Variants in NAV2 observed in about 807,000 individuals in gnomAD.
NAV2 encodes the protein neuron navigator 2, also known as helicase, APC down-regulated 1.
In NAV2, 54 loss-of-function variants were observed where a neutral mutation model predicts 223.2. The observed-to-expected ratio is 0.24, with a 90% CI of 0.19 to 0.30. The LOEUF (loss-of-function observed/expected upper bound fraction) is 0.30. NAV2 is among the 10% of genes least tolerant of loss of function. NAV2 has a pLI of 1.00. For synonymous variants in NAV2, 1,279 were observed against 1,239.3 expected (o/e 1.03, Z -0.67); for missense variants, 2,806 against 3,147.5 (o/e 0.89, Z 2.60).
At chr11:19,398,331 G>A (rs180763015) in intron 1 of NAV2, among the ~76,000 whole-genome samples, 1 of 152,222 alleles carries the variant, frequency 6.6e-6, no homozygotes, top group Non-Finnish European at 1.5e-5. Flanking sequence ...TGAGAGGATG[G>A]TGCGAATGCA....
At chr11:20,080,358 GT>G in intron 25 of NAV2, 149 bp downstream of exon 25, 2 of 691,492 alleles carry the variant, frequency 2.9e-6, no homozygotes, top group Non-Finnish European at 2.4e-6. Flanking sequence ...TTGTGGATGG[GT>G]TTTTACTAAA....
chr11:19,741,350 G>A (rs1278691843), intron 1 of NAV2, among the ~76,000 whole-genome samples: 1 of 151,836 alleles, frequency 6.6e-6, no homozygotes, highest in Non-Finnish European at 1.5e-5. Flanking sequence ...CTGCACTTTA[G>A]ATCTCTAGAT....
intron 1 of NAV2, among the ~76,000 whole-genome samples, chr11:19,791,197 T>C (rs1194291347): frequency 6.6e-6 from 1 of 152,190 alleles, no homozygotes; most frequent in Non-Finnish European, 1.5e-5. Flanking sequence ...AGACAAGTCC[T>C]GCCCACGTGG....
At chr11:19,393,906 C>CTTTTTTTTTTTTTTTTTTTTT in intron 1 of NAV2, among the ~76,000 whole-genome samples, 1 of 135,704 alleles carries the variant, frequency 7.4e-6, no homozygotes, top group Non-Finnish European at 1.5e-5. Context: ...TTTTTTTTTT[C>CTTTTTTTTTTTTTTTTTTTTT]TTTTTTTTTT....
rs980430526 is a variant in NAV2, at chr11:20,118,425, C to T, written c.*167C>T. ...AGCCTCGACCTGGGTGCAGGCATCC[C>T]GGGCCAGCTGCCTGCGGACCGCTTC... On this transcript the variant is annotated 3_prime_UTR_variant, in exon 38 of 38. Transcript: ENST00000349880. 1.1e-5 allele frequency: 8 copies of T among 716,304 alleles called. No homozygotes were observed. Among genetic ancestry groups the T allele is most frequent in the South Asian group, 5.2e-5 (3 of 58,046 alleles). 44.4% of individuals were successfully genotyped at this position (716,304 alleles called of 1,614,324 possible).
At chr11:19,751,185 TAC>T (rs900221483) in intron 1 of NAV2, among the ~76,000 whole-genome samples, 6 of 152,194 alleles carry the variant, frequency 3.9e-5, no homozygotes, top group African/African-American at 1.2e-4. Flanking sequence ...CCACTTAGCT[TAC>T]ATATTAGCTA....
At chr11:19,677,180 G>A (rs1483114621) in intron 1 of NAV2, among the ~76,000 whole-genome samples, 1 of 152,258 alleles carries the variant, frequency 6.6e-6, no homozygotes, top group Non-Finnish European at 1.5e-5. Context: ...TTGGCACCCT[G>A]CACAAAGAGT....
chr11:19,439,510 A>G (rs1851326031), intron 1 of NAV2, among the ~76,000 whole-genome samples: 1 of 152,210 alleles, frequency 6.6e-6, no homozygotes, highest in African/African-American at 2.4e-5. Context: ...AAACCTGCAC[A>G]TGTACCCCTG....
chr11:19,439,411 T>G (rs1851322526), intron 1 of NAV2, among the ~76,000 whole-genome samples: 1 of 152,134 alleles, frequency 6.6e-6, no homozygotes, highest in Non-Finnish European at 1.5e-5. Context: ...GAAATGAGAT[T>G]ACCCTGGATC....
chr11:20,023,222 GT>G, intron 11 of NAV2: 25 of 1,308,730 alleles, frequency 1.9e-5, no homozygotes, highest in Non-Finnish European at 2.7e-5. Context: ...GAAAAGCCTG[GT>G]GGAGCAGCCT....
At chr11:19,842,525 T>C (rs1409239919) in intron 2 of NAV2, among the ~76,000 whole-genome samples, 1 of 152,214 alleles carries the variant, frequency 6.6e-6, no homozygotes, top group Non-Finnish European at 1.5e-5. Flanking sequence ...CCGTCTTTTG[T>C]GACGGTTGTA....
At chr11:20,089,371 T>A (rs1274255531) in intron 26 of NAV2, among the ~76,000 whole-genome samples, 1 of 152,210 alleles carries the variant, frequency 6.6e-6, no homozygotes, top group African/African-American at 2.4e-5. Flanking sequence ...TTCTTCCAGT[T>A]CTTTCTGCCC....
intron 1 of NAV2, among the ~76,000 whole-genome samples, chr11:19,783,212 G>C (rs2056866967): frequency 6.6e-6 from 1 of 152,192 alleles, no homozygotes; most frequent in Non-Finnish European, 1.5e-5. Context: ...TTCCCGATGT[G>C]AAGTTTCAGG....
chr11:19,753,437 A>G (rs191797530), intron 1 of NAV2, among the ~76,000 whole-genome samples: 7 of 152,116 alleles, frequency 4.6e-5, no homozygotes, highest in Admixed American at 3.9e-4. Context: ...GTCATTATGC[A>G]TATTTGTGGT....
intron 22 of NAV2, among the ~76,000 whole-genome samples, 193 bp from the exon 23 acceptor site, chr11:20,077,359 A>G (rs554467278): frequency 7.9e-5 from 12 of 152,150 alleles, no homozygotes; most frequent in African/African-American, 2.9e-4. Flanking sequence ...GGGAAGGAGC[A>G]CGGGTTGTTT....
In NAV2 at chr11:20,044,384, G is replaced by A. The variant is rs1384249916; in HGVS notation, c.3199+112G>A. On this transcript the variant is annotated intron_variant, in intron 13 of 37. Transcript: ENST00000349880. ...TATTTTGTCTCAGGATTTATACTCT[G>A]CTAACAACGAGCTTCCATAAACTTT... 5.0e-6 allele frequency: 5 copies of A among 999,506 alleles called. No homozygotes were observed. The African/African-American group carries it at 8.1e-5, about 16-fold the overall frequency. 61.9% of individuals were successfully genotyped at this position (999,506 alleles called of 1,614,324 possible).
intron 28 of NAV2, among the ~76,000 whole-genome samples, chr11:20,092,863 T>TC (rs1305935557): frequency 6.6e-6 from 1 of 152,198 alleles, no homozygotes; most frequent in East Asian, 1.9e-4. Context: ...GTTGAGTCTC[T>TC]CCCTCGCACT....
intron 10 of NAV2, among the ~76,000 whole-genome samples, chr11:19,954,974 C>CAT (rs1444922843): frequency 1.2e-4 from 8 of 67,262 alleles, no homozygotes; most frequent in African/African-American, 5.7e-4. Context: ...CATATACACA[C>CAT]ATATATATAT....
At chr11:19,747,572 G>C (rs1393148874) in intron 1 of NAV2, among the ~76,000 whole-genome samples, 1 of 152,180 alleles carries the variant, frequency 6.6e-6, no homozygotes, top group Non-Finnish European at 1.5e-5. Flanking sequence ...GCAACCAGGA[G>C]TGGAAGGGAT....
Sources: gnomAD v4.1 joint callset for allele counts (sites outside exome capture counted in the v4.1 genomes callset) on GRCh38, gnomAD v4.1.1 for gene constraint, MANE v1.5 for transcripts, NCBI Gene and HGNC (gene_info 2026-07-23, HGNC 2026-07-21) for gene names.